MKRN1: variants seen among roughly 807,000 people sequenced by gnomAD.
MKRN1 encodes E3 ubiquitin-protein ligase makorin-1.
Under a neutral mutation model 55.5 loss-of-function variants are expected in MKRN1, and 9 were observed. That is an observed-to-expected ratio of 0.16 (90% CI 0.10 to 0.28). MKRN1 has a LOEUF of 0.28. Ranked by LOEUF, MKRN1 falls within the 10% of genes least tolerant of loss-of-function variation. The pLI, the probability that MKRN1 is intolerant of heterozygous loss-of-function variation, is 1.00. For missense variants in MKRN1, 488 were observed against 626.7 expected (o/e 0.78, Z 2.36); for synonymous variants, 253 against 235.9 (o/e 1.07, Z -0.66).
rs1062775 is a variant in MKRN1, at chr7:140,455,224, C to T, written c.1107G>A (p.Ala369=). 77 of 1,614,012 alleles carry T rather than the reference C, an allele frequency of 4.8e-5. 1 individual carries two copies. Among genetic ancestry groups the T allele is most frequent in the Admixed American group, 4.2e-4 (25 of 59,962 alleles). ...LKYKEAMSNK[A]CRYFDEGRGS... ...CACGTCCTTCATCAAAATACCTGCA[C>T]GCCTTGTTGCTGGAAAGGAAAATAT... Residue 369 remains alanine (A), a synonymous_variant, in exon 7 of 8, where the codon GCG becomes GCA. Transcript: ENST00000255977.
Position 140,459,101 on chromosome 7 carries a change from T to C in MKRN1, c.677A>G (p.Glu226Gly). The C allele has an allele frequency of 1.2e-6, 2 of 1,613,972 alleles. No homozygotes were observed. The highest frequency in any genetic ancestry group is 1.7e-6 in the Non-Finnish European group (2 of 1,179,870). Reference protein sequence around the residue: ...YAAVGECRYGENCVYLHGDSC... With the variant: ...YAAVGECRYGGNCVYLHGDSC... ...ATCTCCGTGGAGATACACACAGTTC[T>C]CCCCGTATCGGCACTCTCCCACTGC... is the stretch of plus-strand genomic sequence containing the variant. The change falls in exon 4 of 8, where the codon GAG becomes GGG. Residue 226 changes from glutamate to glycine, a missense_variant. Glu to Gly is a moderately conservative substitution (Grantham distance 98, BLOSUM62 -2). This residue lies in a region of MKRN1 where 278 missense variants were observed against 406.7 expected (regional missense o/e 0.68). Coordinates refer to ENST00000255977, the MANE Select transcript of MKRN1 (RefSeq NM_013446.4).
At chr7:140,470,046 CAAA>C (rs35753653) in intron 2 of MKRN1, among the ~76,000 whole-genome samples, 145 of 51,088 alleles carry the variant, frequency 2.8e-3, no homozygotes, top group Admixed American at 7.0e-3. Flanking sequence ...GGCTCTGTCT[CAAA>C]AAAAAAAAAA....
chr7:140,472,212 G>A, intron 1 of MKRN1: 1 of 629,198 alleles, frequency 1.6e-6, no homozygotes, highest in South Asian at 2.0e-5. Flanking sequence ...CCTGAGGTCA[G>A]GGGTCTAAGA....
Position 140,459,069 on chromosome 7 carries a change from C to G in MKRN1, c.709G>C (p.Asp237His), listed in dbSNP as rs774816515. The stretch of plus-strand genomic sequence containing the variant: ...TGCAGGACCTGCAGCCCACACATGT[C>G]ACAAGAATCTCCGTGGAGATACACA... ...NCVYLHGDSC[D>H]MCGLQVLHPM... The change falls in exon 4 of 8, where the codon GAC (aspartate) becomes CAC (histidine). Residue 237 changes from aspartate to histidine, a missense_variant. Asp to His is a moderately conservative substitution (Grantham distance 81). Coordinates refer to ENST00000255977, the MANE Select transcript of MKRN1 (RefSeq NM_013446.4). 3 of 1,613,974 alleles carry G rather than the reference C, an allele frequency of 1.9e-6. No homozygotes were observed. The highest frequency in any genetic ancestry group is 2.5e-6 in the Non-Finnish European group (3 of 1,179,876).
Position 140,479,499 on chromosome 7 carries a change from C to T in MKRN1, c.-155G>A. 2.6e-6 allele frequency: 2 copies of T among 774,934 alleles called. No homozygotes were observed. The highest frequency in any genetic ancestry group is 4.2e-4 in the Middle Eastern group (1 of 2,354). 48.0% of individuals were successfully genotyped at this position (774,934 alleles called of 1,614,324 possible). A position where few individuals can be genotyped will look rare whatever the true frequency, so the allele number is the denominator to read the frequency against. On this transcript the variant is annotated 5_prime_UTR_variant, in exon 1 of 8. Coordinates refer to ENST00000255977, the MANE Select transcript of MKRN1 (RefSeq NM_013446.4). ...GCCTGCTACGCGTCGCGTATCTGAG[C>T]GCTCTCGCCACTTCAACTGCGGGCC... is the stretch of plus-strand genomic sequence containing the variant.
chr7:140,454,211 G>C lies in MKRN1; in HGVS notation c.*306C>G. ...GGTCCTCAAAATGAGTGTGTGAAAA[G>C]TCCATAAATGCAATCTGGTTGAAAA... On this transcript the variant is annotated 3_prime_UTR_variant, in exon 8 of 8. Coordinates refer to ENST00000255977, the MANE Select transcript of MKRN1 (RefSeq NM_013446.4). 1 of 371,154 alleles carries C rather than the reference G, an allele frequency of 2.7e-6. No homozygotes were observed. Among genetic ancestry groups the C allele is most frequent in the East Asian group, 6.0e-5 (1 of 16,570 alleles). 23.0% of individuals were successfully genotyped at this position (371,154 alleles called of 1,614,324 possible).
At chr7:140,456,309 AAT>A (rs1378521063) in intron 5 of MKRN1, 2 of 1,207,244 alleles carry the variant, frequency 1.7e-6, no homozygotes, top group Non-Finnish European at 2.1e-6. Context: ...TAATGAATGG[AAT>A]AGGAAAGTGG....
chr7:140,463,838 G>A (rs1354603411), intron 2 of MKRN1, among the ~76,000 whole-genome samples: 1 of 151,944 alleles, frequency 6.6e-6, no homozygotes. Context: ...TGAGAGAGCT[G>A]AGATCGCGCC....
intron 4 of MKRN1, among the ~76,000 whole-genome samples, chr7:140,458,218 G>C (rs1220978755): frequency 1.3e-5 from 2 of 152,100 alleles, no homozygotes; most frequent in Non-Finnish European, 2.9e-5. Context: ...AATGTTCCTA[G>C]CAGCCTTATT....
At chr7:140,457,932 T>C (rs963878018) in intron 4 of MKRN1, among the ~76,000 whole-genome samples, 1 of 152,162 alleles carries the variant, frequency 6.6e-6, no homozygotes, top group African/African-American at 2.4e-5. Context: ...CCTTATAACA[T>C]GCCTCACACC....
At chr7:140,457,001 T>C (rs1379217287) in intron 4 of MKRN1, 135 bp from the exon 5 acceptor site, 6 of 913,028 alleles carry the variant, frequency 6.6e-6, no homozygotes, top group Non-Finnish European at 9.7e-6. Flanking sequence ...ACACGAAAAT[T>C]AGCTTTGCTG....
intron 2 of MKRN1, among the ~76,000 whole-genome samples, chr7:140,463,979 G>C (rs1443559555): frequency 6.6e-6 from 1 of 151,986 alleles, no homozygotes; most frequent in Non-Finnish European, 1.5e-5. Context: ...CTGTCACCTG[G>C]CTAGAGTGCA....
At position 140,456,784 on chromosome 7, in the gene MKRN1, A is replaced by G. The variant is rs1794478445; in HGVS notation, c.854T>C (p.Met285Thr). 2 of 1,614,014 alleles carry G rather than the reference A, an allele frequency of 1.2e-6. No individual in the cohort carries two copies. The highest frequency in any genetic ancestry group is 1.7e-6 in the Non-Finnish European group (2 of 1,179,924). Residue 285 changes from methionine to threonine, a missense_variant, in exon 5 of 8, where the codon ATG becomes ACG. Around this residue, in one of 2 missense-constraint regions of MKRN1, gnomAD observed 278 missense variants for 406.7 expected, o/e 0.68. Transcript: ENST00000255977. ...GTTGGCTTTCTCATAGACCACCTCCATGCAGATCCCACACACCATGTCCTT... is the reference window on the plus strand; with the variant it reads ...GTTGGCTTTCTCATAGACCACCTCCGTGCAGATCCCACACACCATGTCCTT... ...RSKDMVCGIC[M>T]EVVYEKANPS...
At chr7:140,454,776 C>A (rs1165855891) in intron 7 of MKRN1, 47 bp from the exon 8 acceptor site, 1 of 1,575,164 alleles carries the variant, frequency 6.3e-7, no homozygotes, top group South Asian at 1.1e-5. Context: ...CGAGCAGTAT[C>A]TTCTATCCTG....
chr7:140,477,098 CAAA>C (rs35476052), intron 1 of MKRN1, among the ~76,000 whole-genome samples: 5 of 83,496 alleles, frequency 6.0e-5, no homozygotes, highest in Admixed American at 1.4e-4. Context: ...AACTCTGTCT[CAAA>C]AAAAAAAAAA....
At chr7:140,476,339 G>A (rs1318826445) in intron 1 of MKRN1, among the ~76,000 whole-genome samples, 1 of 151,870 alleles carries the variant, frequency 6.6e-6, no homozygotes, top group African/African-American at 2.4e-5. Context: ...AAATATACAT[G>A]TGGCCGGGCG....
At chr7:140,455,962 C>T in intron 5 of MKRN1, 62 bp from the exon 6 acceptor site, 1 of 1,429,242 alleles carries the variant, frequency 7.0e-7, no homozygotes, top group Non-Finnish European at 9.9e-7. Context: ...TCTTCAAGGA[C>T]ACACCCTGGT....
chr7:140,456,399 T>C, intron 5 of MKRN1: 1 of 1,335,692 alleles, frequency 7.5e-7, no homozygotes, highest in Non-Finnish European at 9.6e-7. Context: ...AATAATCCAT[T>C]AAACACAATC....
chr7:140,455,920 C>A lies in MKRN1; in HGVS notation c.987-20G>T. 6.3e-7 allele frequency: 1 copy of A among 1,588,364 alleles called. No individual in the cohort carries two copies. Among genetic ancestry groups the A allele is most frequent in the Non-Finnish European group, 8.6e-7 (1 of 1,156,622 alleles). On this transcript the variant is annotated intron_variant, in intron 5 of 7. Transcript: ENST00000255977. ...CAGGACCTGGGAAACAATGAACAGG[C>A]TGCAATGCAAATTCCCCTTTTACAG... is the stretch of plus-strand genomic sequence containing the variant.
Sources: allele counts gnomAD v4.1 joint callset (sites outside exome capture counted in the v4.1 genomes callset), GRCh38; gene constraint gnomAD v4.1.1; regional missense constraint gnomAD v4.1.1; transcripts MANE v1.5; gene names NCBI Gene and HGNC (gene_info 2026-07-23, HGNC 2026-07-21).